Variants in SPAG16 observed in about 807,000 individuals in gnomAD.
The protein encoded by SPAG16 is sperm-associated antigen 16 protein.
Under a neutral mutation model 80.4 loss-of-function variants are expected in SPAG16, and 86 were observed. That is an observed-to-expected ratio of 1.07 (90% CI 0.90 to 1.28). The LOEUF (loss-of-function observed/expected upper bound fraction) is 1.28, where lower values mean the gene tolerates loss of function less well. Ranked by LOEUF, SPAG16 falls within the 50% of genes most tolerant of loss-of-function variation. The probability of loss-of-function intolerance (pLI) is 0.00; values close to 1 mark genes in which losing one functional copy is unlikely to be tolerated. For missense variants in SPAG16, 870 were observed against 765.3 expected (o/e 1.14, Z -1.61); for synonymous variants, 294 against 265.9 (o/e 1.11, Z -1.03).
At chr2:214,300,740 A>G (rs1694488615) in intron 15 of SPAG16, among the ~76,000 whole-genome samples, 2 of 152,048 alleles carry the variant, frequency 1.3e-5, no homozygotes, top group African/African-American at 4.8e-5. Context: ...CAGACAAATA[A>G]CATATAATGC....
intron 14 of SPAG16, among the ~76,000 whole-genome samples, chr2:214,144,400 A>G (rs1479711567): frequency 6.8e-6 from 1 of 146,604 alleles, no homozygotes; most frequent in East Asian, 2.1e-4. Context: ...TTTGGCATAA[A>G]TTTTTCCATG....
At chr2:213,351,524 A>T (rs139611583) in intron 7 of SPAG16, among the ~76,000 whole-genome samples, 22 of 152,304 alleles carry the variant, frequency 1.4e-4, no homozygotes, top group African/African-American at 5.1e-4. Context: ...TTTGGCATAA[A>T]AATTTAAGAA....
At chr2:214,112,014 G>A (rs1576241575) in intron 14 of SPAG16, among the ~76,000 whole-genome samples, 1 of 152,242 alleles carries the variant, frequency 6.6e-6, no homozygotes, top group East Asian at 1.9e-4. Flanking sequence ...TCAGCTTAAG[G>A]AGATTTTGGG....
intron 5 of SPAG16, among the ~76,000 whole-genome samples, chr2:213,325,003 T>C (rs571903635): frequency 3.8e-4 from 56 of 149,032 alleles, no homozygotes; most frequent in Admixed American, 1.6e-3. Flanking sequence ...TTAAACATAA[T>C]TTTTTTTGCT....
chr2:213,538,533 C>T (rs1167311716), intron 10 of SPAG16, among the ~76,000 whole-genome samples: 1 of 152,050 alleles, frequency 6.6e-6, no homozygotes, highest in African/African-American at 2.4e-5. Flanking sequence ...ATTCAGTTAA[C>T]CTAGAGAAAA....
intron 15 of SPAG16, among the ~76,000 whole-genome samples, chr2:214,253,555 T>C (rs1690458332): frequency 6.6e-6 from 1 of 152,220 alleles, no homozygotes; most frequent in Admixed American, 6.5e-5. Context: ...ATTTATTAAA[T>C]AGGGAATCCT....
In SPAG16 at chr2:214,400,212, A is replaced by AT. The variant is rs539618350; in HGVS notation, c.1721-9921dup. On this transcript the variant is annotated intron_variant, in intron 15 of 15. Transcript: ENST00000331683. ...TTCTGTTCCTAGCAAGGTAGACTTA[A>AT]TTTTTTTGATATATTCACATGCTAT... is the stretch of plus-strand genomic sequence containing the variant. Among the ~76,000 whole-genome samples the AT allele has an allele frequency of 6.0e-3, 908 of 152,018 alleles. 7 individuals carry two copies. Among genetic ancestry groups the AT allele is most frequent in the African/African-American group, 0.021 (864 of 41,528 alleles).
intron 6 of SPAG16, among the ~76,000 whole-genome samples, chr2:213,350,247 G>A (rs1450360869): frequency 6.6e-6 from 1 of 152,136 alleles, no homozygotes; most frequent in African/African-American, 2.4e-5. Context: ...ATGGGTAGCA[G>A]CAATCTTCTG....
intron 9 of SPAG16, among the ~76,000 whole-genome samples, chr2:213,385,079 CAAT>C (rs927201763): frequency 6.6e-6 from 1 of 152,274 alleles, no homozygotes; most frequent in African/African-American, 2.4e-5. Context: ...CTGAGCTTCT[CAAT>C]GATGTTGCTG....
At chr2:214,244,795 A>G (rs914570666) in intron 15 of SPAG16, among the ~76,000 whole-genome samples, 3 of 152,142 alleles carry the variant, frequency 2.0e-5, no homozygotes, top group South Asian at 2.1e-4. Flanking sequence ...TGATTATTAT[A>G]CTTTCATTAA....
At chr2:213,550,033 G>C (rs1019206254) in intron 10 of SPAG16, among the ~76,000 whole-genome samples, 2 of 151,960 alleles carry the variant, frequency 1.3e-5, no homozygotes, top group African/African-American at 4.8e-5. Context: ...ACAAAAAGAT[G>C]CTTTTAAGTT....
At chr2:214,111,787 C>T (rs1011121288) in intron 14 of SPAG16, among the ~76,000 whole-genome samples, 3 of 151,866 alleles carry the variant, frequency 2.0e-5, no homozygotes, top group African/African-American at 7.3e-5. Context: ...TGTTTGTGTC[C>T]TCTTTTATTT....
chr2:213,595,658 A>G (rs1271605202), intron 10 of SPAG16, among the ~76,000 whole-genome samples: 1 of 152,100 alleles, frequency 6.6e-6, no homozygotes, highest in Non-Finnish European at 1.5e-5. Flanking sequence ...CTGTTTGGAG[A>G]CATTAAATAA....
chr2:214,091,150 CAT>C (rs2052169901), intron 13 of SPAG16, among the ~76,000 whole-genome samples: 1 of 152,084 alleles, frequency 6.6e-6, no homozygotes, highest in Non-Finnish European at 1.5e-5. Context: ...TAATTAACAA[CAT>C]GTGTATAAAT....
chr2:213,343,522 A>G (rs531408723), intron 6 of SPAG16, among the ~76,000 whole-genome samples: 20 of 152,298 alleles, frequency 1.3e-4, no homozygotes, highest in African/African-American at 4.6e-4. Flanking sequence ...GACATGTCCT[A>G]TAATCAGGAA....
chr2:213,341,327 G>A (rs997138030), intron 6 of SPAG16, among the ~76,000 whole-genome samples: 16 of 152,120 alleles, frequency 1.1e-4, no homozygotes, highest in East Asian at 9.6e-4. Context: ...ATAGCTGCGC[G>A]ATTGCATAAT....
At chr2:213,669,386 C>T (rs2063733230) in intron 10 of SPAG16, among the ~76,000 whole-genome samples, 1 of 152,090 alleles carries the variant, frequency 6.6e-6, no homozygotes, top group Non-Finnish European at 1.5e-5. Flanking sequence ...CTAAGGCAGC[C>T]TCTAAGAAAA....
At chr2:213,933,208 G>T (rs2078845724) in intron 12 of SPAG16, among the ~76,000 whole-genome samples, 1 of 152,102 alleles carries the variant, frequency 6.6e-6, no homozygotes, top group East Asian at 1.9e-4. Context: ...AAAATAATTT[G>T]TATTTCTTTA....
chr2:213,632,372 G>T (rs1574571041), intron 10 of SPAG16, among the ~76,000 whole-genome samples: 1 of 151,976 alleles, frequency 6.6e-6, no homozygotes, highest in Admixed American at 6.6e-5. Flanking sequence ...TTTTCTTGTG[G>T]AATCTTTAGG....
Sources: allele counts gnomAD v4.1 joint callset (sites outside exome capture counted in the v4.1 genomes callset), GRCh38; gene constraint gnomAD v4.1.1; transcripts MANE v1.5; gene names NCBI Gene and HGNC (gene_info 2026-07-23, HGNC 2026-07-21).